Variants in MLLT10 observed in about 807,000 individuals in gnomAD.
MLLT10 encodes MLLT10 histone lysine methyltransferase DOT1L cofactor.
A neutral mutation model predicts 129.1 loss-of-function variants in MLLT10; 30 were observed. The observed-to-expected ratio is 0.23, with a 90% CI of 0.17 to 0.32. MLLT10 has a LOEUF of 0.32. Among genes scored for constraint, MLLT10 ranks in the 10% least tolerant of loss-of-function variants. The pLI, the probability that MLLT10 is intolerant of heterozygous loss-of-function variation, is 1.00. For synonymous variants in MLLT10, 490 were observed against 446.4 expected (o/e 1.10, Z -1.23); for missense variants, 1,119 against 1,268.3 (o/e 0.88, Z 1.79).
intron 15 of MLLT10, among the ~76,000 whole-genome samples, chr10:21,726,685 T>G (rs1160998553): frequency 7.1e-6 from 1 of 141,446 alleles, no homozygotes; most frequent in Non-Finnish European, 1.5e-5. Flanking sequence ...AATGTCCTTT[T>G]TTTTTTTTTT....
intron 13 of MLLT10, among the ~76,000 whole-genome samples, chr10:21,687,170 G>A (rs548297271): frequency 1.3e-5 from 2 of 152,168 alleles, no homozygotes; most frequent in Non-Finnish European, 1.5e-5. Flanking sequence ...ATGTTAACCA[G>A]TTATTCATAT....
intron 8 of MLLT10, among the ~76,000 whole-genome samples, chr10:21,643,438 C>T (rs779761483): frequency 3.3e-5 from 5 of 152,030 alleles, no homozygotes; most frequent in African/African-American, 9.7e-5. Flanking sequence ...TATTTAAATT[C>T]GTTAGCTGCT....
At chr10:21,624,826 C>A in intron 8 of MLLT10, 1 of 1,071,590 alleles carries the variant, frequency 9.3e-7, no homozygotes, top group African/African-American at 1.6e-5. Context: ...GAACCACGGC[C>A]ACGGCCTCTC....
intron 14 of MLLT10, among the ~76,000 whole-genome samples, chr10:21,722,606 A>G (rs1169396554): frequency 6.6e-6 from 1 of 152,082 alleles, no homozygotes; most frequent in Admixed American, 6.6e-5. Flanking sequence ...AATGGCAGCA[A>G]AGGTTTTTGA....
intron 4 of MLLT10, among the ~76,000 whole-genome samples, chr10:21,589,547 T>C (rs909974220): frequency 1.3e-4 from 20 of 152,182 alleles, no homozygotes; most frequent in Admixed American, 1.1e-3. Context: ...CTTGTTCCAT[T>C]CTACCCTATT....
chr10:21,702,669 T>C (rs1057180130), intron 13 of MLLT10, among the ~76,000 whole-genome samples: 1 of 152,186 alleles, frequency 6.6e-6, no homozygotes, highest in Non-Finnish European at 1.5e-5. Flanking sequence ...TTTGTCGTTA[T>C]ATAATGACCT....
intron 3 of MLLT10, among the ~76,000 whole-genome samples, chr10:21,568,269 T>C (rs1413281236): frequency 1.3e-5 from 2 of 152,246 alleles, no homozygotes; most frequent in African/African-American, 4.8e-5. Context: ...GATCCTGAGC[T>C]AATTTGCCTT....
intron 9 of MLLT10, among the ~76,000 whole-genome samples, chr10:21,653,102 A>G (rs554379029): frequency 1.3e-5 from 2 of 152,314 alleles, no homozygotes; most frequent in East Asian, 1.9e-4. Context: ...TGAAATTACT[A>G]CAGTATACCA....
At chr10:21,542,158 G>A (rs1447359765) in intron 3 of MLLT10, among the ~76,000 whole-genome samples, 2 of 152,136 alleles carry the variant, frequency 1.3e-5, no homozygotes, top group Admixed American at 1.3e-4. Context: ...TAATGAATAG[G>A]GAGTGTCAGA....
At chr10:21,664,552 C>T (rs899429477) in intron 9 of MLLT10, among the ~76,000 whole-genome samples, 1 of 152,018 alleles carries the variant, frequency 6.6e-6, no homozygotes, top group Non-Finnish European at 1.5e-5. Flanking sequence ...CCTCAGCCTC[C>T]CAAAGTTGCT....
intron 8 of MLLT10, among the ~76,000 whole-genome samples, chr10:21,641,076 G>A (rs918293306): frequency 2.6e-5 from 4 of 152,162 alleles, no homozygotes; most frequent in East Asian, 1.9e-4. Flanking sequence ...TTCAGACTAC[G>A]TTGATTGGAA....
At chr10:21,660,871 CAAAAAA>C (rs770411226) in intron 9 of MLLT10, among the ~76,000 whole-genome samples, 6 of 81,410 alleles carry the variant, frequency 7.4e-5, no homozygotes, top group Admixed American at 1.2e-4. Context: ...AACTCTGTCT[CAAAAAA>C]AAAAAAAAAA....
At chr10:21,549,889 T>C (rs1162931719) in intron 3 of MLLT10, among the ~76,000 whole-genome samples, 1 of 152,142 alleles carries the variant, frequency 6.6e-6, no homozygotes. Context: ...TCTGCCCGCC[T>C]TGGCCTCCCA....
At chr10:21,555,560 C>T (rs1017926037) in intron 3 of MLLT10, among the ~76,000 whole-genome samples, 16 of 152,130 alleles carry the variant, frequency 1.1e-4, no homozygotes, top group African/African-American at 2.2e-4. Flanking sequence ...GTTTCAGTTA[C>T]GAAACTTTCT....
chr10:21,593,772 C>T (rs980937835), intron 4 of MLLT10, among the ~76,000 whole-genome samples: 1 of 151,232 alleles, frequency 6.6e-6, no homozygotes, highest in African/African-American at 2.4e-5. Context: ...ACTAAAAATA[C>T]AAAAATTAGC....
chr10:21,601,294 ACT>A (rs1462436159), intron 5 of MLLT10, among the ~76,000 whole-genome samples: 1 of 151,740 alleles, frequency 6.6e-6, no homozygotes, highest in East Asian at 1.9e-4. Flanking sequence ...TTGCTTTCTT[ACT>A]CTCAACAGTT....
intron 5 of MLLT10, among the ~76,000 whole-genome samples, chr10:21,609,238 C>A (rs554507553): frequency 5.9e-5 from 9 of 152,256 alleles, no homozygotes; most frequent in African/African-American, 1.9e-4. Context: ...TTCACTCTTT[C>A]CTTTTGGAGG....
intron 21 of MLLT10, among the ~76,000 whole-genome samples, chr10:21,738,052 G>T (rs965413669): frequency 2.6e-5 from 4 of 151,938 alleles, no homozygotes; most frequent in Admixed American, 2.6e-4. Flanking sequence ...GGCGGATCAC[G>T]AGGTCAGGAG....
At position 21,534,844 on chromosome 10, in the gene MLLT10, C is replaced by CCCAA. The variant is rs746399374; in HGVS notation, c.160+42_160+45dup. On this transcript the variant is annotated intron_variant, in intron 2 of 22. Transcript: ENST00000307729. ...GCCCGCCGGGGCGCGCCGGCCTGCG[C>CCCAA]CCAACGGTCACCGCCGCCCCCACCT... 418 of 1,498,654 alleles carry CCCAA rather than the reference C, an allele frequency of 2.8e-4. 3 individuals are homozygous for CCCAA. The East Asian group carries it at 0.011, about 40-fold the overall frequency. 92.8% of individuals were successfully genotyped at this position (1,498,654 alleles called of 1,614,324 possible).
Sources: allele counts gnomAD v4.1 joint callset (sites outside exome capture counted in the v4.1 genomes callset), GRCh38; gene constraint gnomAD v4.1.1; transcripts MANE v1.5; gene names NCBI Gene and HGNC (gene_info 2026-07-23, HGNC 2026-07-21).